Variants in PRKCE observed in about 807,000 individuals in gnomAD.
The protein encoded by PRKCE is protein kinase C epsilon type.
A neutral mutation model predicts 85.4 loss-of-function variants in PRKCE; 16 were observed. That is an observed-to-expected ratio of 0.19 (90% CI 0.13 to 0.28). PRKCE has a LOEUF of 0.28. Among genes scored for constraint, PRKCE ranks in the 10% least tolerant of loss-of-function variants. PRKCE has a pLI of 1.00. For missense variants in PRKCE, 573 were observed against 975.2 expected, an observed-to-expected ratio of 0.59 and a Z score of 5.49; for synonymous variants, 388 against 371.5, an observed-to-expected ratio of 1.04 and a Z score of -0.51.
intron 11 of PRKCE, among the ~76,000 whole-genome samples, chr2:46,124,405 C>T (rs919105500): frequency 2.6e-5 from 4 of 152,032 alleles, no homozygotes; most frequent in South Asian, 2.1e-4. Context: ...TGCTGCCTTC[C>T]GAGATGTAAT....
At chr2:45,653,955 C>T (rs1322826558) in intron 1 of PRKCE, among the ~76,000 whole-genome samples, 1 of 152,204 alleles carries the variant, frequency 6.6e-6, no homozygotes, top group African/African-American at 2.4e-5. Flanking sequence ...CATGCATGGC[C>T]TTTGGGCCCT....
chr2:45,868,061 T>C (rs2105721307), intron 2 of PRKCE, among the ~76,000 whole-genome samples: 1 of 152,252 alleles, frequency 6.6e-6, no homozygotes, highest in African/African-American at 2.4e-5. Context: ...TTTGAACTGC[T>C]TTTTGCTTTT....
intron 2 of PRKCE, among the ~76,000 whole-genome samples, chr2:45,866,449 A>G (rs1243131088): frequency 6.6e-6 from 1 of 152,176 alleles, no homozygotes; most frequent in Non-Finnish European, 1.5e-5. Flanking sequence ...CTGGGACTAC[A>G]GGCGCCGGCC....
chr2:45,921,153 C>T (rs1007256777), intron 2 of PRKCE, among the ~76,000 whole-genome samples: 1 of 152,192 alleles, frequency 6.6e-6, no homozygotes, highest in African/African-American at 2.4e-5. Context: ...CTGAAGGAGA[C>T]TGAAGAATAA....
intron 2 of PRKCE, among the ~76,000 whole-genome samples, chr2:45,880,846 C>T (rs140511608): frequency 1.3e-5 from 2 of 152,192 alleles, no homozygotes; most frequent in East Asian, 1.9e-4. Context: ...GGACTCAGAA[C>T]AGTTCTTTTA....
Position 45,756,852 on chromosome 2 carries a change from C to G in PRKCE, c.349-86148C>G, listed in dbSNP as rs114327753. 1.0e-3 allele frequency among the ~76,000 whole-genome samples: 159 copies of G among 152,232 alleles called. 1 individual carries two copies. The highest frequency in any genetic ancestry group is 3.7e-3 in the African/African-American group (153 of 41,500). On this transcript the variant is annotated intron_variant, in intron 1 of 14. Coordinates refer to ENST00000306156, the MANE Select transcript of PRKCE (RefSeq NM_005400.3). ...GGGCAGGAGCAAGAGATTATAAACT[C>G]TATGAGGAAACTTTGTGGGCTGAAG...
intron 14 of PRKCE, among the ~76,000 whole-genome samples, chr2:46,177,274 T>G (rs749753600): frequency 1.2e-4 from 19 of 152,178 alleles, no homozygotes; most frequent in Non-Finnish European, 1.9e-4. Flanking sequence ...TTAAAAAAAT[T>G]TTTTTAAATC....
At chr2:45,996,828 A>G (rs1201519725) in intron 6 of PRKCE, among the ~76,000 whole-genome samples, 1 of 152,140 alleles carries the variant, frequency 6.6e-6, no homozygotes, top group Non-Finnish European at 1.5e-5. Context: ...TATTATGGTA[A>G]TGGTGGCCTC....
At chr2:46,163,036 G>A (rs1677932737) in intron 14 of PRKCE, among the ~76,000 whole-genome samples, 1 of 152,246 alleles carries the variant, frequency 6.6e-6, no homozygotes, top group Non-Finnish European at 1.5e-5. Context: ...CAAAAGACTA[G>A]TGGGAAAACT....
intron 1 of PRKCE, among the ~76,000 whole-genome samples, chr2:45,706,159 A>C (rs1157099371): frequency 6.6e-6 from 1 of 152,142 alleles, no homozygotes; most frequent in African/African-American, 2.4e-5. Context: ...GCCCTGGGGG[A>C]AAAGAATTCT....
At chr2:45,822,562 G>T (rs1463009940) in intron 1 of PRKCE, among the ~76,000 whole-genome samples, 1 of 152,232 alleles carries the variant, frequency 6.6e-6, no homozygotes, top group African/African-American at 2.4e-5. Flanking sequence ...CCTTGTGCCT[G>T]GGCTGGGGTG....
In PRKCE at chr2:46,086,323, C is replaced by T. The variant is rs75624882; in HGVS notation, c.1553C>T (p.Ser518Leu). ...RSRFYAAEVT[S>L]ALMFLHQHGV... is the part of the protein sequence containing the mutation. ...CGGTTCTATGCTGCAGAGGTCACAT[C>T]GGCCCTCATGTTCCTCCACCAGCAT... Residue 518 changes from serine to leucine, a missense_variant, in exon 11 of 15, where the codon TCG (serine) becomes TTG (leucine). Physicochemically the swap from Ser to Leu is moderately radical, Grantham distance 145. This residue lies in a region of PRKCE where 89 missense variants were observed against 154.1 expected (regional missense o/e 0.58). Transcript: ENST00000306156. 16 of 1,599,536 alleles carry T rather than the reference C, an allele frequency of 1.0e-5. No individual in the cohort carries two copies. The highest frequency in any genetic ancestry group is 2.2e-5 in the South Asian group (2 of 91,078).
intron 11 of PRKCE, among the ~76,000 whole-genome samples, chr2:46,107,289 A>G (rs1671823429): frequency 6.6e-6 from 1 of 152,204 alleles, no homozygotes; most frequent in African/African-American, 2.4e-5. Context: ...ACCTGGCAAT[A>G]TGCACTTAAG....
chr2:45,874,745 C>T lies in PRKCE; in HGVS notation c.412+31682C>T, dbSNP rs555812846. ...GCTTAGGAGTCCAACAAGATGCAGCCCACTGTTTCCAGAGAGGATTCTTGC... is the reference window on the plus strand; with the variant it reads ...GCTTAGGAGTCCAACAAGATGCAGCTCACTGTTTCCAGAGAGGATTCTTGC... On this transcript the variant is annotated intron_variant, in intron 2 of 14. Coordinates refer to ENST00000306156, the MANE Select transcript of PRKCE (RefSeq NM_005400.3). Among the ~76,000 whole-genome samples the T allele has an allele frequency of 6.6e-5, 10 of 152,230 alleles. No homozygotes were observed. The East Asian group carries it at 1.4e-3, about 21-fold the overall frequency.
At chr2:45,698,023 A>G (rs1558568118) in intron 1 of PRKCE, 1 of 152,632 alleles carries the variant, frequency 6.6e-6, no homozygotes, top group Non-Finnish European at 1.5e-5. Flanking sequence ...TGTCAACTCC[A>G]TGTAGATTTA....
intron 12 of PRKCE, 70 bp from the exon 13 acceptor site, chr2:46,150,971 C>T (rs1052584948): frequency 6.4e-6 from 9 of 1,412,292 alleles, no homozygotes; most frequent in Admixed American, 6.0e-5. Context: ...TTCCCATGGG[C>T]GTTCGTAGCA....
chr2:45,758,854 C>T (rs1054953500), intron 1 of PRKCE, among the ~76,000 whole-genome samples: 3 of 152,166 alleles, frequency 2.0e-5, no homozygotes, highest in African/African-American at 4.8e-5. Context: ...CTAGCGTCTT[C>T]AGGCCTCAGC....
intron 2 of PRKCE, among the ~76,000 whole-genome samples, chr2:45,872,372 G>T (rs6725406): frequency 2.2e-4 from 34 of 152,020 alleles, no homozygotes; most frequent in African/African-American, 7.7e-4. Flanking sequence ...CGGCAGCAGA[G>T]AGCCAGCTCA....
rs535713208 is a variant in PRKCE at position 45,990,013 on chromosome 2, C to T, written c.823+5333C>T. ...GCTGCACGGATACTCACACACACTG[C>T]GTTAGAGTCTATTGCTACATAACAA... is the stretch of plus-strand genomic sequence containing the variant. On this transcript the variant is annotated intron_variant, in intron 6 of 14. Coordinates refer to ENST00000306156, the MANE Select transcript of PRKCE (RefSeq NM_005400.3). Among the ~76,000 whole-genome samples the T allele has an allele frequency of 6.8e-4, 104 of 152,294 alleles. 1 individual carries two copies. The highest frequency in any genetic ancestry group is 2.5e-3 in the African/African-American group (102 of 41,554).
Sources: allele counts gnomAD v4.1 joint callset (sites outside exome capture counted in the v4.1 genomes callset), GRCh38; gene constraint gnomAD v4.1.1; regional missense constraint gnomAD v4.1.1; transcripts MANE v1.5; gene names NCBI Gene and HGNC (gene_info 2026-07-23, HGNC 2026-07-21).